The following COLQ variants were observed in gnomAD, a reference collection of about 807,000 sequenced individuals.
COLQ encodes the protein collagen like tail subunit of asymmetric acetylcholinesterase.
Under a neutral mutation model 69.0 loss-of-function variants are expected in COLQ, and 48 were observed. That is an observed-to-expected ratio of 0.70 (90% confidence interval 0.55 to 0.88). The LOEUF (loss-of-function observed/expected upper bound fraction) is 0.88. Among genes scored for constraint, COLQ ranks in the 40% least tolerant of loss-of-function variants. The pLI is 0.00. For synonymous variants in COLQ, 217 were observed against 211.2 expected (o/e 1.03, Z -0.24); for missense variants, 618 against 594.6 (o/e 1.04, Z -0.41).
At chr3:15,504,639 A>T (rs149960566) in intron 1 of COLQ, among the ~76,000 whole-genome samples, 7,584 of 152,268 alleles carry the variant, frequency 0.05, 243 homozygotes, top group East Asian at 0.12. Flanking sequence ...CAGGTAGATC[A>T]CTTGAGGTGA....
At chr3:15,460,022 A>C (rs140933514) in intron 12 of COLQ, among the ~76,000 whole-genome samples, 2 of 152,096 alleles carry the variant, frequency 1.3e-5, no homozygotes, top group East Asian at 3.9e-4. Context: ...GGGTTCAAAC[A>C]TCACTTCTTG....
At chr3:15,452,068 A>AT (rs10589288) in intron 16 of COLQ, among the ~76,000 whole-genome samples, 30,799 of 142,928 alleles carry the variant, frequency 0.22, 4,238 homozygotes, top group South Asian at 0.38. Context: ...GAATAACTGC[A>AT]TTTTTTTTTT....
intron 15 of COLQ, among the ~76,000 whole-genome samples, chr3:15,454,776 CT>C (rs2062003130): frequency 6.6e-6 from 1 of 151,872 alleles, no homozygotes; most frequent in African/African-American, 2.4e-5. Context: ...CCACCTCACC[CT>C]CCTAAGCAGC....
At chr3:15,503,341 C>A (rs2062858357) in intron 1 of COLQ, among the ~76,000 whole-genome samples, 1 of 152,204 alleles carries the variant, frequency 6.6e-6, no homozygotes, top group African/African-American at 2.4e-5. Flanking sequence ...TCCCAGCCCT[C>A]TGCAGTATAG....
chr3:15,474,377 G>T, intron 8 of COLQ, 105 bp from the exon 9 acceptor site: 1 of 1,180,280 alleles, frequency 8.5e-7, no homozygotes, highest in Non-Finnish European at 1.3e-6. Context: ...CATTTTACAA[G>T]TGAAGAAATA....
chr3:15,506,109 G>C (rs534114928), intron 1 of COLQ, among the ~76,000 whole-genome samples: 86 of 152,280 alleles, frequency 5.6e-4, no homozygotes, highest in Non-Finnish European at 8.1e-4. Flanking sequence ...GGGGAGCCTA[G>C]GGTTGATCCC....
intron 14 of COLQ, 85 bp from the exon 15 acceptor site, chr3:15,456,104 G>A (rs2062020893): frequency 1.4e-5 from 21 of 1,504,194 alleles, no homozygotes; most frequent in Non-Finnish European, 1.7e-5. Flanking sequence ...TTGGTCCAAA[G>A]GCACTGCTGG....
At chr3:15,481,749 A>G (rs370617764) in intron 3 of COLQ, among the ~76,000 whole-genome samples, 2 of 152,194 alleles carry the variant, frequency 1.3e-5, no homozygotes, top group Non-Finnish European at 2.9e-5. Context: ...AATTCTGTGA[A>G]GAAAGTCATT....
intron 3 of COLQ, among the ~76,000 whole-genome samples, chr3:15,480,936 T>C (rs1473696680): frequency 6.6e-6 from 1 of 152,276 alleles, no homozygotes; most frequent in Non-Finnish European, 1.5e-5. Flanking sequence ...CCAGTGATAA[T>C]GAACATTTTT....
At chr3:15,478,921 C>A (rs1292282997) in intron 5 of COLQ, 56 bp downstream of exon 5, 42 of 1,609,034 alleles carry the variant, frequency 2.6e-5, no homozygotes, top group Non-Finnish European at 3.6e-5. Flanking sequence ...GGAGTGCATG[C>A]ACACACATGA....
intron 1 of COLQ, among the ~76,000 whole-genome samples, chr3:15,506,424 C>T (rs181626575): frequency 1.5e-3 from 221 of 152,312 alleles, no homozygotes; most frequent in Middle Eastern, 3.4e-3. Flanking sequence ...TCTCCTACCC[C>T]TCTCCCTCAG....
At chr3:15,507,148 T>C (rs1330640576) in intron 1 of COLQ, among the ~76,000 whole-genome samples, 2 of 152,182 alleles carry the variant, frequency 1.3e-5, no homozygotes, top group African/African-American at 2.4e-5. Flanking sequence ...GGAAGAACCA[T>C]AATTTGTTCA....
chr3:15,472,376 T>C (rs1254433120), intron 10 of COLQ, among the ~76,000 whole-genome samples: 1 of 152,206 alleles, frequency 6.6e-6, no homozygotes, highest in Non-Finnish European at 1.5e-5. Context: ...CAGCTTAAGG[T>C]AGTGATATAA....
At chr3:15,465,140 C>T (rs2062177611) in intron 12 of COLQ, among the ~76,000 whole-genome samples, 1 of 142,274 alleles carries the variant, frequency 7.0e-6, no homozygotes. Flanking sequence ...CACCACTGCA[C>T]TCCAACCTGG....
At chr3:15,470,647 A>G (rs1214240482) in intron 10 of COLQ, 31 bp from the exon 11 acceptor site, 1 of 1,604,276 alleles carries the variant, frequency 6.2e-7, no homozygotes, top group Non-Finnish European at 8.5e-7. Context: ...GCAAGAGAGG[A>G]CTTAGGGCAT....
chr3:15,476,184 T>A (rs549827303), intron 6 of COLQ, among the ~76,000 whole-genome samples: 4 of 152,320 alleles, frequency 2.6e-5, no homozygotes, highest in African/African-American at 9.6e-5. Context: ...ACATCTCCAT[T>A]CAGGTGCTAA....
intron 4 of COLQ, 63 bp downstream of exon 4, chr3:15,479,275 A>G: frequency 6.5e-7 from 1 of 1,527,562 alleles, no homozygotes; most frequent in Non-Finnish European, 9.1e-7. Context: ...TCTCAGTGGG[A>G]TGCCCAGAAA....
chr3:15,459,661 T>C (rs2062077471), intron 12 of COLQ, among the ~76,000 whole-genome samples: 1 of 151,856 alleles, frequency 6.6e-6, no homozygotes, highest in Non-Finnish European at 1.5e-5. Context: ...GTGTTTTTAG[T>C]AGAGACAGGG....
intron 4 of COLQ, 125 bp downstream of exon 4, chr3:15,479,213 G>T: frequency 8.4e-7 from 1 of 1,187,516 alleles, no homozygotes; most frequent in Non-Finnish European, 1.3e-6. Flanking sequence ...ATGGAACCCA[G>T]CCTCTCACCA....
Sources: gnomAD v4.1 joint callset for allele counts (sites outside exome capture counted in the v4.1 genomes callset) on GRCh38, gnomAD v4.1.1 for gene constraint, MANE v1.5 for transcripts, NCBI Gene and HGNC (gene_info 2026-07-23, HGNC 2026-07-21) for gene names.